The following ZDHHC17 variants were observed in gnomAD, a reference collection of about 807,000 sequenced individuals.
The protein encoded by ZDHHC17 is palmitoyltransferase ZDHHC17.
A neutral mutation model predicts 90.3 loss-of-function variants in ZDHHC17; 40 were observed. The observed-to-expected ratio is 0.44, with a 90% confidence interval of 0.34 to 0.58. ZDHHC17 has a LOEUF of 0.58. ZDHHC17 is among the 20% of genes least tolerant of loss of function. ZDHHC17 has a pLI of 0.01. For synonymous variants in ZDHHC17, 235 were observed against 252.4 expected (o/e 0.93, Z 0.65); for missense variants, 614 against 780.8 (o/e 0.79, Z 2.55).
chr12:76,785,564 T>G (rs147282950), intron 1 of ZDHHC17, among the ~76,000 whole-genome samples: 1 of 152,294 alleles, frequency 6.6e-6, no homozygotes, highest in Non-Finnish European at 1.5e-5. Context: ...CTTGAAAAAA[T>G]TATTGTTCAC....
chr12:76,849,323 C>CA (rs34062414), intron 15 of ZDHHC17, 53 bp from the exon 16 acceptor site: 34,151 of 450,764 alleles, frequency 0.076, 82 homozygotes, highest in South Asian at 0.087. Flanking sequence ...GGTCCTGTCT[C>CA]AAAAAAAAAA....
intron 1 of ZDHHC17, among the ~76,000 whole-genome samples, chr12:76,791,513 G>A (rs974175749): frequency 3.9e-5 from 6 of 152,046 alleles, no homozygotes; most frequent in African/African-American, 1.4e-4. Flanking sequence ...TTTTAAGAAG[G>A]TTCGTTAGTA....
intron 12 of ZDHHC17, among the ~76,000 whole-genome samples, chr12:76,843,716 A>G (rs1221005406): frequency 6.6e-6 from 1 of 152,118 alleles, no homozygotes; most frequent in Non-Finnish European, 1.5e-5. Flanking sequence ...GTTTTTCTAC[A>G]TGGAAATTGA....
intron 1 of ZDHHC17, among the ~76,000 whole-genome samples, chr12:76,779,935 T>C (rs1952603424): frequency 6.6e-6 from 1 of 152,180 alleles, no homozygotes; most frequent in South Asian, 2.1e-4. Flanking sequence ...ATTGAATTGC[T>C]TTTACATTGT....
At chr12:76,794,581 G>A (rs1268985922) in intron 1 of ZDHHC17, among the ~76,000 whole-genome samples, 1 of 151,966 alleles carries the variant, frequency 6.6e-6, no homozygotes, top group Non-Finnish European at 1.5e-5. Flanking sequence ...TTAGTTAAAG[G>A]CATATTTTAA....
chr12:76,845,558 CT>C, intron 12 of ZDHHC17, 150 bp from the exon 13 acceptor site: 1 of 356,440 alleles, frequency 2.8e-6, no homozygotes, highest in East Asian at 4.2e-5. Context: ...ACAATAGTGA[CT>C]TTTGGTTTCA....
At chr12:76,805,164 A>C (rs978796597) in intron 2 of ZDHHC17, among the ~76,000 whole-genome samples, 153 bp from the exon 3 acceptor site, 1 of 152,122 alleles carries the variant, frequency 6.6e-6, no homozygotes, top group Non-Finnish European at 1.5e-5. Flanking sequence ...AAGTTTTTGG[A>C]ATGTTGACAT....
intron 5 of ZDHHC17, 97 bp from the exon 6 acceptor site, chr12:76,815,049 C>A: frequency 2.8e-6 from 2 of 712,158 alleles, no homozygotes; most frequent in South Asian, 2.2e-5. Flanking sequence ...GTATTATATT[C>A]GCTTCTCCTT....
chr12:76,764,256 T>G lies in ZDHHC17; in HGVS notation c.20T>G (p.Phe7Cys). MQREEG[F>C]NTKMADGPDE... Reference sequence around the variant, plus strand: ...CCCAGCATGCAGCGGGAGGAGGGATTTAACACCAAGATGGCGGACGGCCCG... The same window carrying G: ...CCCAGCATGCAGCGGGAGGAGGGATGTAACACCAAGATGGCGGACGGCCCG... The change falls in exon 1 of 17, where the codon TTT becomes TGT. Residue 7 changes from phenylalanine (F) to cysteine (C), a missense_variant. Coordinates refer to ENST00000426126, the MANE Select transcript of ZDHHC17 (RefSeq NM_015336.4). The G allele has an allele frequency of 6.2e-7, 1 of 1,605,236 alleles. No individual in the cohort carries two copies. The highest frequency in any genetic ancestry group is 8.5e-7 in the Non-Finnish European group (1 of 1,176,060).
intron 10 of ZDHHC17, among the ~76,000 whole-genome samples, chr12:76,839,674 T>G (rs1953408833): frequency 6.6e-6 from 1 of 152,206 alleles, no homozygotes; most frequent in Non-Finnish European, 1.5e-5. Flanking sequence ...TGTTTTGTCT[T>G]TAATTCGGGG....
chr12:76,848,452 G>T, intron 15 of ZDHHC17, 62 bp downstream of exon 15: 4 of 1,526,226 alleles, frequency 2.6e-6, no homozygotes, highest in Non-Finnish European at 3.6e-6. Context: ...TTGCATAAAA[G>T]ATAATAATAT....
intron 1 of ZDHHC17, among the ~76,000 whole-genome samples, chr12:76,778,996 A>G (rs1368592110): frequency 1.3e-5 from 2 of 152,208 alleles, no homozygotes; most frequent in Admixed American, 6.5e-5. Flanking sequence ...CAGTAATCAC[A>G]TTAGATTAGG....
At position 76,797,453 on chromosome 12, in the gene ZDHHC17, A is replaced by G. The variant is rs769174910; in HGVS notation, c.113A>G (p.His38Arg). 12 of 1,608,000 alleles carry G rather than the reference A, an allele frequency of 7.5e-6. No individual in the cohort carries two copies. The highest frequency in any genetic ancestry group is 1.1e-5 in the South Asian group (1 of 89,486). The stretch of plus-strand genomic sequence containing the variant: ...TAACAGGAAATCAAACCCCAAAGCC[A>G]TTATAACCATGGATATGGTGAACCT... ...LHPEEIKPQS[H>R]YNHGYGEPLG... The change falls in exon 2 of 17, where the codon CAT becomes CGT. Residue 38 changes from histidine to arginine, a missense_variant. His to Arg is a conservative substitution (Grantham distance 29, BLOSUM62 0). Around this residue, in one of 5 missense-constraint regions of ZDHHC17, gnomAD observed 358 missense variants for 380.4 expected, o/e 0.94. Coordinates refer to ENST00000426126, the MANE Select transcript of ZDHHC17 (RefSeq NM_015336.4).
Position 76,815,866 on chromosome 12 carries a change from A to G in ZDHHC17, c.618A>G (p.Pro206=). ...WAAYRTHSVD[P]TRLLLTFNVS... Reference sequence around the variant, plus strand: ...TTTTTTTCCTTTTCAGTGTGGATCCAACTAGATTGCTTTTAACATTCAATG... The same window carrying G: ...TTTTTTTCCTTTTCAGTGTGGATCCGACTAGATTGCTTTTAACATTCAATG... Residue 206 remains proline (P), a synonymous_variant, in exon 7 of 17, where the codon CCA becomes CCG. Transcript: ENST00000426126. 6.6e-7 allele frequency: 1 copy of G among 1,519,436 alleles called. No individual in the cohort carries two copies. Among genetic ancestry groups the G allele is most frequent in the East Asian group, 2.4e-5 (1 of 41,508 alleles). The allele number at this position is 1,519,436 out of a possible 1,614,324, so 94.1% of individuals were successfully genotyped here.
At chr12:76,778,809 CAG>C (rs1952591764) in intron 1 of ZDHHC17, among the ~76,000 whole-genome samples, 1 of 152,186 alleles carries the variant, frequency 6.6e-6, no homozygotes, top group Non-Finnish European at 1.5e-5. Context: ...GCTCCCATAA[CAG>C]AATGCTACAA....
intron 7 of ZDHHC17, 94 bp from the exon 8 acceptor site, chr12:76,822,312 G>C: frequency 6.7e-7 from 1 of 1,489,750 alleles, no homozygotes; most frequent in Non-Finnish European, 9.2e-7. Context: ...CGTTAATAGG[G>C]CAGTAAATTA....
chr12:76,782,278 G>GT (rs1952635627), intron 1 of ZDHHC17, among the ~76,000 whole-genome samples: 1 of 152,202 alleles, frequency 6.6e-6, no homozygotes, highest in African/African-American at 2.4e-5. Flanking sequence ...GCAGAAAATA[G>GT]TTAGGCCTCC....
At chr12:76,850,568 A>C (rs1429046018) in intron 16 of ZDHHC17, among the ~76,000 whole-genome samples, 1 of 152,186 alleles carries the variant, frequency 6.6e-6, no homozygotes, top group Non-Finnish European at 1.5e-5. Context: ...ATAAAAATAA[A>C]AATGCATATA....
Position 76,851,219 on chromosome 12 carries a change from T to C in ZDHHC17, c.*234T>C. ...GATAAAAAATAATTTTAATGGTTCT[T>C]AATGTGGAAATTCACAACATACTCA... On this transcript the variant is annotated 3_prime_UTR_variant, in exon 17 of 17. Transcript: ENST00000426126. 1 of 464,604 alleles carries C rather than the reference T, an allele frequency of 2.2e-6. No homozygotes were observed. Among genetic ancestry groups the C allele is most frequent in the South Asian group, 2.8e-5 (1 of 35,430 alleles). The allele number at this position is 464,604 out of a possible 1,614,324, so 28.8% of individuals were successfully genotyped here.
Sources: gnomAD v4.1 joint callset for allele counts (sites outside exome capture counted in the v4.1 genomes callset) on GRCh38, gnomAD v4.1.1 for gene constraint, gnomAD v4.1.1 regional missense constraint, MANE v1.5 for transcripts, NCBI Gene and HGNC (gene_info 2026-07-23, HGNC 2026-07-21) for gene names.